NMNAT1: variants seen among roughly 807,000 people sequenced by gnomAD.
NMNAT1 encodes nicotinamide nucleotide adenylyltransferase 1.
Under a neutral mutation model 16.7 loss-of-function variants are expected in NMNAT1, and 11 were observed. The ratio of observed to expected loss-of-function variants is 0.66; its 90% CI spans 0.41 to 1.09. NMNAT1 has a LOEUF of 1.09. Ranked by LOEUF, NMNAT1 falls within the 50% of genes least tolerant of loss-of-function variation. NMNAT1 has a pLI of 0.00. For synonymous variants in NMNAT1, 110 were observed against 119.8 expected (o/e 0.92, Z 0.53); for missense variants, 280 against 332.3 (o/e 0.84, Z 1.22).
chr1:9,961,784 T>A (rs148158173), intron 1 of NMNAT1, among the ~76,000 whole-genome samples: 1 of 152,132 alleles, frequency 6.6e-6, no homozygotes, highest in East Asian at 1.9e-4. Context: ...ATATATATAT[T>A]TTTTGAGACG....
chr1:9,994,116 T>C, the NMNAT1 span, among the ~76,000 whole-genome samples: 9 of 142,264 alleles, frequency 6.3e-5, no homozygotes, highest in African/African-American at 2.4e-4. Context: ...TTTTTTTTTT[T>C]TTTTTTTTTT....
At chr1:9,996,185 C>T in the NMNAT1 span, among the ~76,000 whole-genome samples, 4 of 151,612 alleles carry the variant, frequency 2.6e-5, no homozygotes, top group East Asian at 7.7e-4. Flanking sequence ...TTGGCGGGCG[C>T]CTGTAGTCCC....
At chr1:9,994,101 CTTTTTTTTTTT>C in the NMNAT1 span, among the ~76,000 whole-genome samples, 26 of 106,182 alleles carry the variant, frequency 2.4e-4, 1 homozygote, top group Non-Finnish European at 4.1e-4. Flanking sequence ...CAAATGTTAG[CTTTTTTTTTTT>C]TTTTTTTTTT....
At chr1:9,991,028 T>G in the NMNAT1 span, among the ~76,000 whole-genome samples, 1 of 152,150 alleles carries the variant, frequency 6.6e-6, no homozygotes. Context: ...TGACCCTTGC[T>G]CAAGCTGGCC....
At chr1:9,994,256 G>A in the NMNAT1 span, among the ~76,000 whole-genome samples, 2 of 150,744 alleles carry the variant, frequency 1.3e-5, no homozygotes, top group African/African-American at 4.9e-5. Flanking sequence ...GACTACAGAC[G>A]TGTGCCACCA....
At chr1:9,960,368 A>G (rs1641375400) in intron 1 of NMNAT1, among the ~76,000 whole-genome samples, 2 of 152,062 alleles carry the variant, frequency 1.3e-5, no homozygotes, top group African/African-American at 2.4e-5. Flanking sequence ...AAACATAAAG[A>G]TCAGTTATTT....
rs1468350917 is a variant in NMNAT1 at position 9,972,049 on chromosome 1, A to C, written c.-25A>C. On this transcript the variant is annotated 5_prime_UTR_variant, in exon 2 of 5. Transcript: ENST00000377205. ...AGGGAGGTGTCACAGTTTTCCATTT[A>C]GATCAACAACTTCAAGTTCTTACCA... The C allele has an allele frequency of 8.3e-7, 1 of 1,199,654 alleles. No homozygotes were observed. The allele number at this position is 1,199,654 out of a possible 1,614,324, so 74.3% of individuals were successfully genotyped here.
chr1:9,996,289 C>G, the NMNAT1 span, among the ~76,000 whole-genome samples: 11 of 134,644 alleles, frequency 8.2e-5, no homozygotes, highest in Non-Finnish European at 1.7e-4. Flanking sequence ...CCAGCCTGGG[C>G]ACAGAGCGAG....
intron 2 of NMNAT1, among the ~76,000 whole-genome samples, chr1:9,972,724 G>A (rs948474897): frequency 1.3e-5 from 2 of 152,124 alleles, no homozygotes; most frequent in Non-Finnish European, 2.9e-5. Context: ...TTGGGAGGCC[G>A]AGGTGGGAGG....
chr1:9,996,139 G>A, the NMNAT1 span, among the ~76,000 whole-genome samples: 1 of 151,238 alleles, frequency 6.6e-6, no homozygotes, highest in African/African-American at 2.4e-5. Context: ...GTGAAACCCC[G>A]TCTCTAATAA....
Position 9,951,229 on chromosome 1 carries a change from A to G in NMNAT1, c.-57+7714A>G, listed in dbSNP as rs550040013. On this transcript the variant is annotated intron_variant, in intron 1 of 4. Coordinates refer to ENST00000377205, the MANE Select transcript of NMNAT1 (RefSeq NM_022787.4). ...GGTTACTTGGGAAGTTTTCTTGCTT[A>G]CCTGTAGAAGTTAAGCTGCTCACCG... 9 of 152,284 alleles carry G rather than the reference A, an allele frequency of 5.9e-5. No homozygotes were observed. The South Asian group carries it at 1.9e-3, about 32-fold the overall frequency. 9.4% of individuals were successfully genotyped at this position (152,284 alleles called of 1,614,324 possible). A position where few individuals can be genotyped will look rare whatever the true frequency, so the allele number is the denominator to read the frequency against.
chr1:9,993,537 T>C, the NMNAT1 span, among the ~76,000 whole-genome samples: 1 of 148,714 alleles, frequency 6.7e-6, no homozygotes, highest in African/African-American at 2.5e-5. Context: ...AAGCAAGGAG[T>C]GAGAAGATCT....
At chr1:9,961,781 T>G (rs1156400619) in intron 1 of NMNAT1, among the ~76,000 whole-genome samples, 3 of 152,092 alleles carry the variant, frequency 2.0e-5, no homozygotes, top group African/African-American at 7.2e-5. Context: ...AGTATATATA[T>G]ATTTTTTGAG....
chr1:9,952,993 T>A (rs1425456882), intron 1 of NMNAT1, among the ~76,000 whole-genome samples: 2 of 152,076 alleles, frequency 1.3e-5, no homozygotes, highest in Admixed American at 6.6e-5. Context: ...CATGTTTTTT[T>A]TTTTTGAGAC....
At chr1:9,948,064 A>C (rs1476653324) in intron 1 of NMNAT1, among the ~76,000 whole-genome samples, 1 of 152,138 alleles carries the variant, frequency 6.6e-6, no homozygotes, top group Non-Finnish European at 1.5e-5. Context: ...TCGCATTTCT[A>C]ATTCCTAACT....
chr1:9,953,448 G>T (rs1199094620), intron 1 of NMNAT1, among the ~76,000 whole-genome samples: 4 of 144,636 alleles, frequency 2.8e-5, no homozygotes, highest in Non-Finnish European at 6.0e-5. Flanking sequence ...AGCTAATTTT[G>T]TTTTTTTTTT....
At chr1:9,948,112 T>C (rs1270710700) in intron 1 of NMNAT1, among the ~76,000 whole-genome samples, 1 of 152,106 alleles carries the variant, frequency 6.6e-6, no homozygotes, top group East Asian at 1.9e-4. Context: ...GGTCCGAAAA[T>C]GTTGGTGGCG....
chr1:9,977,397 T>TAAG (rs921637129), intron 3 of NMNAT1, among the ~76,000 whole-genome samples: 4 of 152,086 alleles, frequency 2.6e-5, no homozygotes, highest in Non-Finnish European at 4.4e-5. Context: ...GGCCTGTTGT[T>TAAG]ATCTTGAGTT....
intron 1 of NMNAT1, among the ~76,000 whole-genome samples, chr1:9,968,068 GT>G (rs1400220756): frequency 9.4e-5 from 6 of 64,062 alleles, no homozygotes; most frequent in South Asian, 6.3e-4. Context: ...GCCAAATGTA[GT>G]TTTTTTTTTT....
Sources: gnomAD v4.1 joint callset for allele counts (sites outside exome capture counted in the v4.1 genomes callset) on GRCh38, gnomAD v4.1.1 for gene constraint, MANE v1.5 for transcripts, NCBI Gene and HGNC (gene_info 2026-07-23, HGNC 2026-07-21) for gene names.